Variants in FIRRM observed in about 807,000 individuals in gnomAD.
The protein encoded by FIRRM is FIGNL1 interacting regulator of recombination and mitosis, also known as FIGNL1-interacting regulator of recombination and mitosis.
At chr1:169,804,748 A>G in the FIRRM span, among the ~76,000 whole-genome samples, 3 of 152,186 alleles carry the variant, frequency 2.0e-5, no homozygotes, top group East Asian at 1.9e-4. Flanking sequence ...CAGTGGCACA[A>G]TCTCGGCTCA....
the FIRRM span, chr1:169,852,527 T>C: frequency 1.1e-5 from 5 of 470,598 alleles, no homozygotes; most frequent in African/African-American, 3.9e-5. Flanking sequence ...GCACTTCTCA[T>C]TGGGAGCCCT....
chr1:169,797,705 C>T, the FIRRM span, among the ~76,000 whole-genome samples: 10 of 152,030 alleles, frequency 6.6e-5, no homozygotes, highest in Non-Finnish European at 1.0e-4. Flanking sequence ...CCACCATGCC[C>T]GGCTAATTTT....
the FIRRM span, among the ~76,000 whole-genome samples, chr1:169,803,712 G>C: frequency 6.6e-6 from 1 of 152,168 alleles, no homozygotes; most frequent in Admixed American, 6.5e-5. Flanking sequence ...AGGTAGCCTT[G>C]AGGCACAAAA....
At chr1:169,809,078 G>A in the FIRRM span, among the ~76,000 whole-genome samples, 2 of 152,114 alleles carry the variant, frequency 1.3e-5, no homozygotes, top group African/African-American at 4.8e-5. Flanking sequence ...CCTAAAACTG[G>A]TAGCAACTCC....
the FIRRM span, chr1:169,830,414 G>A: frequency 7.6e-7 from 1 of 1,311,754 alleles, no homozygotes; most frequent in South Asian, 1.3e-5. Flanking sequence ...TTTTATAATT[G>A]TAAGCTTATA....
the FIRRM span, chr1:169,804,506 A>G: frequency 4.6e-6 from 1 of 216,114 alleles, no homozygotes; most frequent in Non-Finnish European, 9.0e-6. Context: ...GTCCATATTC[A>G]GAGACAATAA....
At chr1:169,800,845 T>G in the FIRRM span, 9 of 1,064,980 alleles carry the variant, frequency 8.5e-6, no homozygotes, top group Non-Finnish European at 1.3e-5. Flanking sequence ...TTGACTGACA[T>G]GACAATATTT....
the FIRRM span, among the ~76,000 whole-genome samples, chr1:169,821,270 T>C: frequency 6.6e-6 from 1 of 152,180 alleles, no homozygotes; most frequent in Non-Finnish European, 1.5e-5. Context: ...TAATGTGTTT[T>C]TATGTCTTTA....
the FIRRM span, among the ~76,000 whole-genome samples, chr1:169,834,576 C>T: frequency 0.066 from 10,087 of 152,130 alleles, 431 homozygotes; most frequent in Non-Finnish European, 0.099. Flanking sequence ...TTCATTTAGT[C>T]CTTACAGCAG....
At chr1:169,817,121 T>TAAAAA in the FIRRM span, among the ~76,000 whole-genome samples, 79 of 144,958 alleles carry the variant, frequency 5.4e-4, no homozygotes, top group African/African-American at 1.8e-3. Flanking sequence ...AAACAAAAAG[T>TAAAAA]AAAAAAAAAA....
the FIRRM span, among the ~76,000 whole-genome samples, chr1:169,825,827 T>G: frequency 6.6e-6 from 1 of 152,228 alleles, no homozygotes; most frequent in African/African-American, 2.4e-5. Flanking sequence ...TATCCTCTGC[T>G]AGACAGAGTT....
chr1:169,800,993 A>G, the FIRRM span: 1 of 1,242,088 alleles, frequency 8.1e-7, no homozygotes, highest in Admixed American at 2.0e-5. Context: ...TTACCTGAAA[A>G]TACATGTTAT....
At chr1:169,792,663 CTCTT>C in the FIRRM span, 1 of 1,612,244 alleles carries the variant, frequency 6.2e-7, no homozygotes, top group South Asian at 1.1e-5. Flanking sequence ...TTAAAAACAT[CTCTT>C]TCTTCTACAA....
chr1:169,841,601 T>C, the FIRRM span, among the ~76,000 whole-genome samples: 1 of 152,198 alleles, frequency 6.6e-6, no homozygotes, highest in African/African-American at 2.4e-5. Context: ...TAAAAGTTAA[T>C]CCAGAAAACA....
the FIRRM span, among the ~76,000 whole-genome samples, chr1:169,822,058 A>G: frequency 6.6e-6 from 1 of 152,198 alleles, no homozygotes; most frequent in East Asian, 1.9e-4. Context: ...TGATTTTTTC[A>G]GAAAGACAAG....
At chr1:169,853,557 T>C in the FIRRM span, 1 of 729,202 alleles carries the variant, frequency 1.4e-6, no homozygotes, top group East Asian at 2.5e-5. Flanking sequence ...TCACAGTCAG[T>C]CTCCTACTTC....
the FIRRM span, chr1:169,802,518 G>A: frequency 2.7e-5 from 19 of 714,808 alleles, no homozygotes; most frequent in Non-Finnish European, 1.2e-5. Context: ...GATGTTACTA[G>A]TGCAAAATCA....
chr1:169,817,521 A>AT, the FIRRM span, among the ~76,000 whole-genome samples: 10 of 152,216 alleles, frequency 6.6e-5, no homozygotes, highest in African/African-American at 2.2e-4. Flanking sequence ...CCAATAACAT[A>AT]TTTATACAAA....
chr1:169,797,139 T>C, the FIRRM span, among the ~76,000 whole-genome samples: 1 of 152,232 alleles, frequency 6.6e-6, no homozygotes, highest in Non-Finnish European at 1.5e-5. Flanking sequence ...GCCTGACACA[T>C]AGTAAGCATT....
Sources: allele counts gnomAD v4.1 joint callset (sites outside exome capture counted in the v4.1 genomes callset), GRCh38; gene constraint gnomAD v4.1.1; transcripts MANE v1.5; gene names NCBI Gene and HGNC (gene_info 2026-07-23, HGNC 2026-07-21).